The following NTM variants were observed in gnomAD, a reference collection of about 807,000 sequenced individuals.
NTM encodes neurotrimin, also known as IgLON family member 2.
NTM carries 13 observed loss-of-function variants against 42.1 expected under a neutral mutation model. The observed-to-expected ratio is 0.31, with a 90% CI of 0.20 to 0.49. The LOEUF is 0.49. NTM is among the 20% of genes least tolerant of loss of function. The pLI is 0.99. For missense variants in NTM, 373 were observed against 452.8 expected (o/e 0.82, Z 1.60); for synonymous variants, 187 against 179.2 (o/e 1.04, Z -0.35).
At chr11:131,645,089 T>A (rs1426953804) in intron 1 of NTM, among the ~76,000 whole-genome samples, 1 of 152,176 alleles carries the variant, frequency 6.6e-6, no homozygotes, top group Non-Finnish European at 1.5e-5. Flanking sequence ...CTCTAGGCCC[T>A]ATTTTAAGTG....
intron 1 of NTM, among the ~76,000 whole-genome samples, chr11:131,486,263 G>C (rs1210027395): frequency 6.6e-6 from 1 of 152,166 alleles, no homozygotes; most frequent in African/African-American, 2.4e-5. Context: ...GTGGAAATGG[G>C]GGTGGTTGTA....
chr11:131,795,608 TG>T, intron 1 of NTM: 1 of 985,438 alleles, frequency 1.0e-6, no homozygotes, highest in Non-Finnish European at 1.2e-6. Context: ...CACAGAGTCA[TG>T]GGAGACCCTT....
intron 2 of NTM, among the ~76,000 whole-genome samples, chr11:132,030,325 G>A (rs962271801): frequency 3.3e-5 from 5 of 151,950 alleles, no homozygotes; most frequent in African/African-American, 7.3e-5. Flanking sequence ...AAATCATCTC[G>A]TATATCACTT....
At position 132,146,525 on chromosome 11, in the gene NTM, G is replaced by A. The variant is rs201742964; in HGVS notation, c.400+11G>A. ...ACCTCATTGTGCAAGGTAGGTGGGC[G>A]GGGCTTGGCGGGGAGATCTGGCTGG... On this transcript the variant is annotated intron_variant, in intron 3 of 8. Transcript: ENST00000683400. The surrounding 1 kb of genome is among the most constrained non-coding windows in gnomAD (Gnocchi z 4.5). 13 of 1,610,508 alleles carry A rather than the reference G, an allele frequency of 8.1e-6. No homozygotes were observed. Among genetic ancestry groups the A allele is most frequent in the African/African-American group, 2.7e-5 (2 of 74,996 alleles).
rs983262270 is a variant in NTM at position 131,847,188 on chromosome 11, A to T, written c.83-64376A>T. ...AATATGTAGAAATTAAATATTGAGG[A>T]TATCATGGAAATTAACTAGTAAAGT... is the stretch of plus-strand genomic sequence containing the variant. On this transcript the variant is annotated intron_variant, in intron 1 of 8. Coordinates refer to ENST00000683400, the MANE Select transcript of NTM (RefSeq NM_001352005.2). Among the ~76,000 whole-genome samples the T allele has an allele frequency of 6.6e-5, 10 of 152,172 alleles. No homozygotes were observed. The East Asian group carries it at 1.9e-3, about 29-fold the overall frequency.
intron 1 of NTM, among the ~76,000 whole-genome samples, chr11:131,841,276 A>G (rs1185984915): frequency 2.0e-5 from 3 of 152,236 alleles, no homozygotes; most frequent in African/African-American, 7.2e-5. Flanking sequence ...GTTGCCAAAT[A>G]TAGTGACACA....
At chr11:132,159,870 A>G (rs1451220224) in intron 3 of NTM, among the ~76,000 whole-genome samples, 2 of 152,236 alleles carry the variant, frequency 1.3e-5, no homozygotes, top group Non-Finnish European at 2.9e-5. Context: ...AACATTTCTT[A>G]CATCAAATCC....
intron 6 of NTM, 131 bp from the exon 7 acceptor site, chr11:132,314,421 G>GATCAAATAATGGTT: frequency 1.0e-6 from 1 of 988,380 alleles, no homozygotes; most frequent in Non-Finnish European, 1.4e-6. Context: ...TGGTTGAGTG[G>GATCAAATAATGGTT]ATCAAATAAT....
intron 2 of NTM, among the ~76,000 whole-genome samples, chr11:131,951,542 G>T (rs1350782849): frequency 6.6e-6 from 1 of 152,138 alleles, no homozygotes; most frequent in African/African-American, 2.4e-5. Context: ...GGATTCTGGA[G>T]ATAGGGGGAA....
At chr11:132,285,885 G>A (rs1204512749) in intron 4 of NTM, among the ~76,000 whole-genome samples, 1 of 152,154 alleles carries the variant, frequency 6.6e-6, no homozygotes, top group African/African-American at 2.4e-5. Context: ...TCTTGTAGAT[G>A]GGAATCTTGC....
intron 1 of NTM, among the ~76,000 whole-genome samples, chr11:131,684,053 C>T (rs945299104): frequency 1.3e-5 from 2 of 152,170 alleles, no homozygotes; most frequent in Admixed American, 6.5e-5. Context: ...ACTGGCTGGC[C>T]GTGTGAGGAG....
At chr11:131,968,213 G>T (rs138355090) in intron 2 of NTM, among the ~76,000 whole-genome samples, 1 of 152,114 alleles carries the variant, frequency 6.6e-6, no homozygotes, top group Non-Finnish European at 1.5e-5. Flanking sequence ...AAACTAAGAC[G>T]TAAGCAGGCT....
intron 1 of NTM, among the ~76,000 whole-genome samples, chr11:131,553,858 G>T (rs1007602864): frequency 6.6e-6 from 1 of 152,106 alleles, no homozygotes; most frequent in Non-Finnish European, 1.5e-5. Context: ...TGGCACACAC[G>T]GTCATCTACA....
chr11:131,581,944 A>T (rs370431732), intron 1 of NTM: 1 of 152,068 alleles, frequency 6.6e-6, no homozygotes, highest in East Asian at 1.9e-4. Flanking sequence ...TAATAGTTCT[A>T]ATTTCCCAGA....
chr11:131,726,185 A>G (rs1022170573), intron 1 of NTM, among the ~76,000 whole-genome samples: 9 of 152,318 alleles, frequency 5.9e-5, no homozygotes, highest in Admixed American at 5.9e-4. Flanking sequence ...GAAAGAATAT[A>G]AAGAGGTCTA....
intron 4 of NTM, among the ~76,000 whole-genome samples, chr11:132,235,065 C>T (rs2088511475): frequency 6.6e-6 from 1 of 152,170 alleles, no homozygotes; most frequent in African/African-American, 2.4e-5. Flanking sequence ...GATCTGAAGA[C>T]TCTGTTGTAG....
chr11:131,667,600 G>A (rs2069304463), intron 1 of NTM, among the ~76,000 whole-genome samples: 1 of 152,180 alleles, frequency 6.6e-6, no homozygotes, highest in Non-Finnish European at 1.5e-5. Context: ...ACTAATCCTG[G>A]TCATGGAGGG....
At chr11:131,400,211 C>T (rs1944986064) in intron 1 of NTM, among the ~76,000 whole-genome samples, 1 of 152,082 alleles carries the variant, frequency 6.6e-6, no homozygotes, top group South Asian at 2.1e-4. Flanking sequence ...CGTCACCTGT[C>T]CTTTCTCTCC....
intron 1 of NTM, chr11:131,771,338 T>C (rs553005157): frequency 6.6e-6 from 1 of 152,350 alleles, no homozygotes; most frequent in South Asian, 2.1e-4. Context: ...ATTACACAGA[T>C]GATAGGTTTG....
Sources: gnomAD v4.1 joint callset for allele counts (sites outside exome capture counted in the v4.1 genomes callset) on GRCh38, gnomAD v4.1.1 for gene constraint, Gnocchi (gnomAD v3.1) non-coding constraint, MANE v1.5 for transcripts, NCBI Gene and HGNC (gene_info 2026-07-23, HGNC 2026-07-21) for gene names.